CACNA2D1: variants seen among roughly 807,000 people sequenced by gnomAD.
CACNA2D1 encodes voltage-dependent calcium channel subunit alpha-2/delta-1.
A neutral mutation model predicts 171.5 loss-of-function variants in CACNA2D1; 53 were observed. The observed-to-expected ratio is 0.31, with a 90% CI of 0.25 to 0.39. The LOEUF is 0.39. CACNA2D1 is among the 10% of genes least tolerant of loss of function. CACNA2D1 has a pLI of 1.00. For missense variants in CACNA2D1, 903 were observed against 1,299.8 expected (o/e 0.69, Z 4.69); for synonymous variants, 442 against 443.1 (o/e 1.00, Z 0.03).
intron 1 of CACNA2D1, among the ~76,000 whole-genome samples, chr7:82,368,018 G>T (rs958821933): frequency 6.6e-6 from 1 of 151,856 alleles, no homozygotes; most frequent in African/African-American, 2.4e-5. Flanking sequence ...CAAAATTCAA[G>T]AAGGGTGAAG....
At position 82,387,704 on chromosome 7, in the gene CACNA2D1, G is replaced by C. The variant is rs1319156917; in HGVS notation, c.96-38055C>G. ...TAGTTGCTTATTTTCTTAGCTAAAT[G>C]CAAGTAAAAGTGGCAAAGGAAATTA... On this transcript the variant is annotated intron_variant, in intron 1 of 38. Transcript: ENST00000356860. 2.0e-5 allele frequency among the ~76,000 whole-genome samples: 3 copies of C among 152,180 alleles called. No individual in the cohort carries two copies. In the East Asian group the frequency reaches 5.8e-4, roughly 29 times the overall value.
At chr7:82,114,760 GAAAAA>G (rs34240770) in intron 6 of CACNA2D1, among the ~76,000 whole-genome samples, 4 of 103,112 alleles carry the variant, frequency 3.9e-5, no homozygotes, top group Admixed American at 3.2e-4. Context: ...CGTCCCAGAA[GAAAAA>G]AAAAAAAAAA....
intron 12 of CACNA2D1, among the ~76,000 whole-genome samples, chr7:82,032,586 A>C: frequency 6.6e-6 from 1 of 152,022 alleles, no homozygotes; most frequent in East Asian, 1.9e-4. Context: ...TTAACATATT[A>C]GGCATGAGTT....
intron 3 of CACNA2D1, among the ~76,000 whole-genome samples, chr7:82,177,950 T>C (rs557129646): frequency 5.2e-4 from 79 of 152,300 alleles, no homozygotes; most frequent in African/African-American, 1.6e-3. Context: ...AGGTATAATG[T>C]AAGGATACAG....
At chr7:82,340,519 A>T (rs1818504627) in intron 2 of CACNA2D1, among the ~76,000 whole-genome samples, 1 of 151,780 alleles carries the variant, frequency 6.6e-6, no homozygotes, top group South Asian at 2.1e-4. Context: ...TGAGTGATTC[A>T]CTATTCCTAA....
intron 7 of CACNA2D1, among the ~76,000 whole-genome samples, chr7:82,072,722 A>T (rs1182107239): frequency 6.6e-6 from 1 of 151,986 alleles, no homozygotes; most frequent in Non-Finnish European, 1.5e-5. Context: ...TAGAAATTAA[A>T]ATCATGAATT....
chr7:82,298,923 C>T (rs553332977), intron 3 of CACNA2D1, among the ~76,000 whole-genome samples: 20 of 151,856 alleles, frequency 1.3e-4, no homozygotes, highest in Admixed American at 6.6e-4. Context: ...ATTGGCCGGG[C>T]GTGGTGGCGG....
intron 3 of CACNA2D1, among the ~76,000 whole-genome samples, chr7:82,178,796 A>T (rs1190942909): frequency 6.6e-6 from 1 of 152,054 alleles, no homozygotes; most frequent in Non-Finnish European, 1.5e-5. Flanking sequence ...ATCATGCTAT[A>T]CTCAATTCGC....
At chr7:82,295,521 T>A (rs1050676149) in intron 3 of CACNA2D1, among the ~76,000 whole-genome samples, 2 of 151,606 alleles carry the variant, frequency 1.3e-5, no homozygotes, top group African/African-American at 4.8e-5. Context: ...TTTCTTTCTT[T>A]CTTTTTTTTT....
At chr7:82,059,381 G>A (rs571302694) in intron 10 of CACNA2D1, among the ~76,000 whole-genome samples, 1 of 151,984 alleles carries the variant, frequency 6.6e-6, no homozygotes, top group Non-Finnish European at 1.5e-5. Flanking sequence ...ACTTTAATAA[G>A]AGCACATTCA....
At chr7:82,166,253 C>G (rs1202064402) in intron 4 of CACNA2D1, among the ~76,000 whole-genome samples, 6 of 151,902 alleles carry the variant, frequency 3.9e-5, no homozygotes, top group Non-Finnish European at 8.8e-5. Context: ...ACTAAATTAG[C>G]CTGACGGACA....
intron 3 of CACNA2D1, among the ~76,000 whole-genome samples, chr7:82,174,974 G>GTGA (rs1183688751): frequency 2.0e-5 from 3 of 151,830 alleles, no homozygotes; most frequent in Non-Finnish European, 4.4e-5. Flanking sequence ...ATTCTGTCAG[G>GTGA]TGATATAAAC....
At position 82,117,024 on chromosome 7, in the gene CACNA2D1, G is replaced by T; in HGVS notation, c.526+20C>A. ...GCGAGAGCATGGTATTCCAACAGAT[G>T]TTAACATTCTTTTACTTACAGCCCT... On this transcript the variant is annotated intron_variant, in intron 6 of 38. Coordinates refer to ENST00000356860, the MANE Select transcript of CACNA2D1 (RefSeq NM_000722.4). The T allele has an allele frequency of 6.2e-7, 1 of 1,612,854 alleles. No homozygotes were observed. The highest frequency in any genetic ancestry group is 8.5e-7 in the Non-Finnish European group (1 of 1,179,084).
At chr7:82,084,351 C>T (rs1171568788) in intron 7 of CACNA2D1, among the ~76,000 whole-genome samples, 1 of 152,134 alleles carries the variant, frequency 6.6e-6, no homozygotes, top group Non-Finnish European at 1.5e-5. Context: ...AGATCCACGT[C>T]TACTGATTAA....
chr7:81,979,160 T>C (rs1260159239), intron 24 of CACNA2D1, among the ~76,000 whole-genome samples: 1 of 152,038 alleles, frequency 6.6e-6, no homozygotes, highest in Non-Finnish European at 1.5e-5. Context: ...TTAGTGGTTG[T>C]TTGGGTCTGG....
chr7:82,180,501 A>T (rs183104050), intron 3 of CACNA2D1, among the ~76,000 whole-genome samples: 4 of 152,134 alleles, frequency 2.6e-5, no homozygotes, highest in Non-Finnish European at 2.9e-5. Context: ...TTAGGTTGCA[A>T]TTAGGGCAAA....
chr7:82,369,193 C>T (rs1021768775), intron 1 of CACNA2D1, among the ~76,000 whole-genome samples: 4 of 152,036 alleles, frequency 2.6e-5, no homozygotes, highest in African/African-American at 7.2e-5. Flanking sequence ...ATTTATCAAA[C>T]TCTCCATTAA....
At chr7:82,283,269 C>T (rs1387161909) in intron 3 of CACNA2D1, among the ~76,000 whole-genome samples, 1 of 152,082 alleles carries the variant, frequency 6.6e-6, no homozygotes, top group Non-Finnish European at 1.5e-5. Flanking sequence ...TTTTATGAGA[C>T]ATTTACAAAG....
At chr7:82,234,303 T>C (rs992437666) in intron 3 of CACNA2D1, among the ~76,000 whole-genome samples, 5 of 152,124 alleles carry the variant, frequency 3.3e-5, no homozygotes, top group Admixed American at 3.3e-4. Flanking sequence ...CCTATATTAA[T>C]AGGTTTTAAA....
Sources: allele counts gnomAD v4.1 joint callset (sites outside exome capture counted in the v4.1 genomes callset), GRCh38; gene constraint gnomAD v4.1.1; transcripts MANE v1.5; gene names NCBI Gene and HGNC (gene_info 2026-07-23, HGNC 2026-07-21).